Variants in LRRC4C observed in about 807,000 individuals in gnomAD.
The protein encoded by LRRC4C is leucine rich repeat containing 4C.
In LRRC4C, 5 loss-of-function variants were observed where a neutral mutation model predicts 33.6. The ratio of observed to expected loss-of-function variants is 0.15; its 90% CI spans 0.08 to 0.31. The LOEUF (loss-of-function observed/expected upper bound fraction) is 0.31, where lower values mean the gene tolerates loss of function less well. Ranked by LOEUF, LRRC4C falls within the 10% of genes least tolerant of loss-of-function variation. The pLI is 1.00. For synonymous variants in LRRC4C, 329 were observed against 302.0 expected (o/e 1.09, Z -0.93); for missense variants, 560 against 796.7 (o/e 0.70, Z 3.58).
chr11:41,197,873 C>T (rs1198938800), intron 1 of LRRC4C, among the ~76,000 whole-genome samples: 3 of 151,844 alleles, frequency 2.0e-5, no homozygotes, highest in African/African-American at 7.3e-5. Context: ...CATCACAATG[C>T]CTGACATCTG....
intron 3 of LRRC4C, among the ~76,000 whole-genome samples, chr11:40,549,403 A>C (rs1957050571): frequency 6.6e-6 from 1 of 152,178 alleles, no homozygotes; most frequent in Admixed American, 6.6e-5. Context: ...TACAGAGAAT[A>C]GGTCCTATAG....
chr11:41,196,412 A>G (rs1011283598), intron 1 of LRRC4C, among the ~76,000 whole-genome samples: 2 of 152,128 alleles, frequency 1.3e-5, no homozygotes, highest in Non-Finnish European at 2.9e-5. Context: ...ATGTGATGAC[A>G]AGAACTTAAA....
chr11:40,965,248 A>G (rs1442104501), intron 1 of LRRC4C, among the ~76,000 whole-genome samples: 2 of 151,804 alleles, frequency 1.3e-5, no homozygotes, highest in Non-Finnish European at 2.9e-5. Flanking sequence ...GTTTGAGTTC[A>G]TTGTAGATTC....
intron 2 of LRRC4C, among the ~76,000 whole-genome samples, chr11:40,912,694 C>A (rs570537469): frequency 2.6e-5 from 4 of 152,148 alleles, no homozygotes; most frequent in East Asian, 1.9e-4. Context: ...TCACACATAA[C>A]AATATTAACC....
At chr11:40,790,401 T>C (rs1451528496) in intron 2 of LRRC4C, among the ~76,000 whole-genome samples, 2 of 152,210 alleles carry the variant, frequency 1.3e-5, no homozygotes, top group Non-Finnish European at 2.9e-5. Context: ...TTTGGCAACT[T>C]TGATTGGCTG....
At chr11:41,100,799 G>GGGCT (rs1328189117) in intron 1 of LRRC4C, among the ~76,000 whole-genome samples, 4 of 151,910 alleles carry the variant, frequency 2.6e-5, no homozygotes, top group Non-Finnish European at 5.9e-5. Flanking sequence ...CTACACTACA[G>GGGCT]GGCTGCAGTA....
chr11:41,211,966 A>G (rs1946842508), intron 1 of LRRC4C, among the ~76,000 whole-genome samples: 2 of 152,276 alleles, frequency 1.3e-5, no homozygotes, highest in South Asian at 2.1e-4. Flanking sequence ...AAGTGTTCCT[A>G]TTTCTCCACA....
At chr11:40,600,880 C>T (rs1326563663) in intron 3 of LRRC4C, among the ~76,000 whole-genome samples, 1 of 12,102 alleles carries the variant, frequency 8.3e-5, no homozygotes, top group Non-Finnish European at 6.2e-3. Context: ...TACATATCCC[C>T]ATAAATATGA....
chr11:41,066,639 A>G (rs931538280), intron 1 of LRRC4C, among the ~76,000 whole-genome samples: 2 of 152,202 alleles, frequency 1.3e-5, no homozygotes, highest in Admixed American at 1.3e-4. Context: ...GAAATGAAGG[A>G]AAAAATGTTA....
At chr11:41,433,801 ATG>A (rs3040493) in intron 1 of LRRC4C, among the ~76,000 whole-genome samples, 151 of 149,244 alleles carry the variant, frequency 1.0e-3, no homozygotes, top group African/African-American at 1.6e-3. Flanking sequence ...TCCCATATAT[ATG>A]TGTGTGTGTG....
At chr11:40,921,939 AT>A (rs1205885378) in intron 2 of LRRC4C, among the ~76,000 whole-genome samples, 1 of 152,210 alleles carries the variant, frequency 6.6e-6, no homozygotes, top group African/African-American at 2.4e-5. Context: ...CTACTCTGTA[AT>A]ATTCCTTACA....
intron 2 of LRRC4C, among the ~76,000 whole-genome samples, chr11:40,788,731 A>T (rs1205036366): frequency 6.6e-6 from 1 of 152,178 alleles, no homozygotes. Flanking sequence ...CTTTCCTGGA[A>T]TGCCATGAAT....
chr11:40,329,737 C>CTTTTTTTTTTTT lies in LRRC4C; in HGVS notation c.-269-10028_-269-10017dup, dbSNP rs199598860. 2.0e-4 allele frequency among the ~76,000 whole-genome samples: 24 copies of CTTTTTTTTTTTT among 120,406 alleles called. 1 individual carries two copies. Among genetic ancestry groups the CTTTTTTTTTTTT allele is most frequent in the African/African-American group, 6.3e-4 (20 of 31,852 alleles). 79.0% of individuals were successfully genotyped at this position (120,406 alleles called of 152,430 possible). On this transcript the variant is annotated intron_variant, in intron 3 of 6. Coordinates refer to ENST00000528697, the MANE Select transcript of LRRC4C (RefSeq NM_001258419.2). Reference sequence around the variant, plus strand: ...GTAGTTACTTTCTTACTTTCTTTTTCTTTTTTTTTTTTTTTTTTTTTTGAG... The same window carrying CTTTTTTTTTTTT: ...GTAGTTACTTTCTTACTTTCTTTTTCTTTTTTTTTTTTTTTTTTTTTTTTTTTTTTTTTTGAG...
At position 40,633,700 on chromosome 11, in the gene LRRC4C, T is replaced by C. The variant is rs114570830; in HGVS notation, c.-270+14442A>G. Among the ~76,000 whole-genome samples, 941 of 152,234 alleles carry C rather than the reference T, an allele frequency of 6.2e-3. 16 individuals carry two copies. The highest frequency in any genetic ancestry group is 0.022 in the African/African-American group (917 of 41,524). On this transcript the variant is annotated intron_variant, in intron 3 of 6. Transcript: ENST00000528697. ...CCACCGTGCTGAGTCCCAGGTTATATTTCTAAGCTCCAGTTACCTCAGCTA... is the reference window on the plus strand; with the variant it reads ...CCACCGTGCTGAGTCCCAGGTTATACTTCTAAGCTCCAGTTACCTCAGCTA...
intron 3 of LRRC4C, among the ~76,000 whole-genome samples, chr11:40,525,173 G>A (rs987795099): frequency 6.6e-6 from 1 of 152,126 alleles, no homozygotes; most frequent in African/African-American, 2.4e-5. Flanking sequence ...TGGGCCGGGC[G>A]CCGTGGCTCA....
chr11:41,449,514 ACTACT>A (rs1444197132), intron 1 of LRRC4C, among the ~76,000 whole-genome samples: 8 of 152,090 alleles, frequency 5.3e-5, no homozygotes, highest in Non-Finnish European at 1.0e-4. Flanking sequence ...AAAATCACTA[ACTACT>A]GTGAGGGGTG....
At chr11:40,487,985 A>T (rs1431919169) in intron 3 of LRRC4C, among the ~76,000 whole-genome samples, 1 of 152,120 alleles carries the variant, frequency 6.6e-6, no homozygotes, top group Non-Finnish European at 1.5e-5. Context: ...CATCCACATT[A>T]AGGATGAGTA....
At chr11:41,183,967 C>T (rs1008420869) in intron 1 of LRRC4C, among the ~76,000 whole-genome samples, 1 of 152,202 alleles carries the variant, frequency 6.6e-6, no homozygotes, top group African/African-American at 2.4e-5. Context: ...GGCTTCTACC[C>T]TTTGAAGCAA....
chr11:40,321,012 T>A (rs1945818059), intron 3 of LRRC4C, among the ~76,000 whole-genome samples: 1 of 152,176 alleles, frequency 6.6e-6, no homozygotes, highest in Non-Finnish European at 1.5e-5. Context: ...CGGAGTTTAG[T>A]ACAATTTTAT....
Sources: allele counts gnomAD v4.1 joint callset (sites outside exome capture counted in the v4.1 genomes callset), GRCh38; gene constraint gnomAD v4.1.1; transcripts MANE v1.5; gene names NCBI Gene and HGNC (gene_info 2026-07-23, HGNC 2026-07-21).